SYTL3: variants seen among roughly 807,000 people sequenced by gnomAD.
SYTL3 encodes the protein synaptotagmin-like protein 3.
In SYTL3, 88 loss-of-function variants were observed where a neutral mutation model predicts 82.1. The observed-to-expected ratio is 1.07, with a 90% CI of 0.90 to 1.28. SYTL3 has a LOEUF of 1.28. Ranked by LOEUF, SYTL3 falls within the 50% of genes most tolerant of loss-of-function variation. SYTL3 has a pLI of 0.00. For missense variants in SYTL3, 831 were observed against 757.6 expected (o/e 1.10, Z -1.14); for synonymous variants, 311 against 289.4 (o/e 1.07, Z -0.76).
At chr6:158,698,476 G>A (rs1238082792) in intron 6 of SYTL3, among the ~76,000 whole-genome samples, 7 of 151,892 alleles carry the variant, frequency 4.6e-5, no homozygotes, top group African/African-American at 1.7e-4. Context: ...ACATGCTGAG[G>A]GATTTTTTTA....
At chr6:158,668,331 C>T (rs759302932) in intron 5 of SYTL3, among the ~76,000 whole-genome samples, 8 of 152,162 alleles carry the variant, frequency 5.3e-5, no homozygotes, top group South Asian at 2.1e-4. Context: ...CAGGTTCAAG[C>T]GATTCTCCTG....
intron 3 of SYTL3, 95 bp downstream of exon 3, chr6:158,661,480 T>G (rs1372009137): frequency 6.6e-6 from 1 of 152,234 alleles, no homozygotes; most frequent in African/African-American, 2.4e-5. Context: ...TGTCAGAGAC[T>G]AGAAGCCGAG....
chr6:158,710,908 G>A (rs1236141719), intron 8 of SYTL3, among the ~76,000 whole-genome samples: 11 of 152,052 alleles, frequency 7.2e-5, no homozygotes, highest in African/African-American at 2.7e-4. Flanking sequence ...AACCTCCTGA[G>A]TAGCTGGGAT....
intron 14 of SYTL3, 124 bp downstream of exon 14, chr6:158,757,505 G>A (rs948323441): frequency 5.9e-5 from 63 of 1,063,804 alleles, no homozygotes; most frequent in South Asian, 1.1e-4. Flanking sequence ...TGTGTTCGCC[G>A]GCCTGGCGCT....
chr6:158,710,511 T>A (rs1370517669), intron 8 of SYTL3, among the ~76,000 whole-genome samples: 1 of 91,672 alleles, frequency 1.1e-5, no homozygotes, highest in Non-Finnish European at 2.3e-5. Flanking sequence ...TGGAGTCAGT[T>A]TTCAAAAAAA....
intron 14 of SYTL3, among the ~76,000 whole-genome samples, chr6:158,759,196 AGCAGGTGGCACAGAGCT>A (rs532445414): frequency 0.028 from 4,330 of 152,138 alleles, 163 homozygotes; most frequent in African/African-American, 0.091. Flanking sequence ...GTGGGTGAGG[AGCAGGTGGCACAGAGCT>A]GCAGGTGGCA....
At chr6:158,758,096 T>C (rs1353250015) in intron 14 of SYTL3, among the ~76,000 whole-genome samples, 1 of 152,126 alleles carries the variant, frequency 6.6e-6, no homozygotes, top group Non-Finnish European at 1.5e-5. Context: ...AGAGAGTTCA[T>C]GTGAGACCAC....
intron 6 of SYTL3, 114 bp downstream of exon 6, chr6:158,683,103 T>C: frequency 1.4e-6 from 1 of 704,124 alleles, no homozygotes; most frequent in Non-Finnish European, 2.5e-6. Flanking sequence ...TGCGGGCCCC[T>C]ATGTCTTGCC....
chr6:158,735,707 G>C (rs548086460), intron 11 of SYTL3, among the ~76,000 whole-genome samples: 1 of 152,142 alleles, frequency 6.6e-6, no homozygotes, highest in South Asian at 2.1e-4. Flanking sequence ...ACAACAAATA[G>C]GGAAAATCAT....
chr6:158,706,645 G>A (rs1042810507), intron 6 of SYTL3, among the ~76,000 whole-genome samples: 6 of 152,108 alleles, frequency 3.9e-5, no homozygotes, highest in Non-Finnish European at 8.8e-5. Flanking sequence ...TGTGTTCACA[G>A]AACTGGGAAC....
chr6:158,701,617 A>G (rs1224414757), intron 6 of SYTL3, among the ~76,000 whole-genome samples: 6 of 150,318 alleles, frequency 4.0e-5, no homozygotes, highest in African/African-American at 1.5e-4. Flanking sequence ...GCTCTGTTTG[A>G]CTGGGGCTGA....
intron 7 of SYTL3, 59 bp downstream of exon 7, chr6:158,707,340 CT>C: frequency 2.0e-6 from 3 of 1,505,528 alleles, no homozygotes. Flanking sequence ...GCAGAGGACA[CT>C]CTGCAAGAAC....
intron 2 of SYTL3, among the ~76,000 whole-genome samples, chr6:158,658,790 A>G (rs915808052): frequency 3.9e-5 from 6 of 152,136 alleles, no homozygotes; most frequent in African/African-American, 1.2e-4. Context: ...TTAGCCAGGC[A>G]TGGAGGCACA....
At chr6:158,663,509 G>A (rs1008560677) in intron 4 of SYTL3, 131 bp downstream of exon 4, 24 of 1,465,306 alleles carry the variant, frequency 1.6e-5, no homozygotes, top group Non-Finnish European at 2.1e-5. Flanking sequence ...CCTGAGAAGG[G>A]TCCTAACGAA....
At chr6:158,663,742 T>G (rs1789657598) in intron 4 of SYTL3, 1 of 356,620 alleles carries the variant, frequency 2.8e-6, no homozygotes, top group African/African-American at 2.2e-5. Context: ...CAGTTAAGGG[T>G]TTTCCTACCT....
intron 12 of SYTL3, among the ~76,000 whole-genome samples, chr6:158,749,828 G>T (rs979078671): frequency 8.5e-5 from 13 of 152,066 alleles, no homozygotes; most frequent in Non-Finnish European, 1.3e-4. Context: ...TGCCAAAACT[G>T]ACATGAAATG....
chr6:158,680,048 C>T (rs531451078), intron 5 of SYTL3, among the ~76,000 whole-genome samples: 2 of 152,126 alleles, frequency 1.3e-5, no homozygotes, highest in South Asian at 2.1e-4. Flanking sequence ...AAGTAAGGTG[C>T]GTTTATCAGG....
Position 158,698,390 on chromosome 6 carries a change from C to T in SYTL3, c.395-8840C>T, listed in dbSNP as rs553816502. On this transcript the variant is annotated intron_variant, in intron 6 of 17. Coordinates refer to ENST00000611299, the MANE Select transcript of SYTL3 (RefSeq NM_001242394.2). ...CCAGCCTGGGTGACAGAGTGAGACT[C>T]TGTCTCAAAAAAAAAAAAAAAAAGG... Among the ~76,000 whole-genome samples, 321 of 106,406 alleles carry T rather than the reference C, an allele frequency of 3.0e-3. 2 individuals are homozygous for T. Among genetic ancestry groups the T allele is most frequent in the Middle Eastern group, 4.8e-3 (1 of 208 alleles). The allele number at this position is 106,406 out of a possible 152,430, so 69.8% of individuals were successfully genotyped here. A position where few individuals can be genotyped will look rare whatever the true frequency, so the allele number is the denominator to read the frequency against.
intron 11 of SYTL3, among the ~76,000 whole-genome samples, chr6:158,733,659 T>C (rs552431148): frequency 6.6e-6 from 1 of 152,176 alleles, no homozygotes; most frequent in African/African-American, 2.4e-5. Flanking sequence ...TTTAAGTTGT[T>C]AGCCAGTCAG....
Sources: allele counts gnomAD v4.1 joint callset (sites outside exome capture counted in the v4.1 genomes callset), GRCh38; gene constraint gnomAD v4.1.1; transcripts MANE v1.5; gene names NCBI Gene and HGNC (gene_info 2026-07-23, HGNC 2026-07-21).